Variants in DTNBP1 observed in about 807,000 individuals in gnomAD.
DTNBP1 encodes dystrobrevin binding protein 1.
DTNBP1 carries 35 observed loss-of-function variants against 42.8 expected under a neutral mutation model. The observed-to-expected ratio is 0.82, with a 90% CI of 0.63 to 1.09. The LOEUF (loss-of-function observed/expected upper bound fraction) is 1.09. Among genes scored for constraint, DTNBP1 ranks in the 50% least tolerant of loss-of-function variants. The pLI is 0.00. For synonymous variants in DTNBP1, 171 were observed against 162.2 expected (o/e 1.05, Z -0.41); for missense variants, 457 against 424.2 (o/e 1.08, Z -0.68).
chr6:15,662,001 C>T (rs1384961404), intron 1 of DTNBP1, among the ~76,000 whole-genome samples: 1 of 152,180 alleles, frequency 6.6e-6, no homozygotes, highest in Non-Finnish European at 1.5e-5. Flanking sequence ...GCGCCAGAGT[C>T]TCGGCCTGTG....
intron 6 of DTNBP1, among the ~76,000 whole-genome samples, chr6:15,604,431 C>T (rs1011276363): frequency 6.6e-6 from 1 of 152,066 alleles, no homozygotes; most frequent in African/African-American, 2.4e-5. Flanking sequence ...TCTTTTGGTT[C>T]CAGAAGAACC....
intron 3 of DTNBP1, among the ~76,000 whole-genome samples, chr6:15,638,448 A>G (rs1437111603): frequency 1.3e-5 from 2 of 152,082 alleles, no homozygotes; most frequent in Non-Finnish European, 2.9e-5. Context: ...AAATGATGAG[A>G]AAAAAAATCT....
intron 1 of DTNBP1, 93 bp downstream of exon 1, chr6:15,662,721 G>C: frequency 6.4e-7 from 1 of 1,553,164 alleles, no homozygotes; most frequent in Admixed American, 1.7e-5. Flanking sequence ...GACGGACCCT[G>C]GACCGTGGCG....
In DTNBP1 at chr6:15,662,320, G is replaced by C. The variant is rs557105153; in HGVS notation, c.56+494C>G. Among the ~76,000 whole-genome samples the C allele has an allele frequency of 2.0e-5, 3 of 152,376 alleles. No homozygotes were observed. In the South Asian group the frequency reaches 6.2e-4, roughly 32 times the overall value. ...GCGAGCCGGGCGTGAAAGCCGAGACGCGGCGCGGAAGGCTGTGGCCGGAGG... is the reference window on the plus strand; with the variant it reads ...GCGAGCCGGGCGTGAAAGCCGAGACCCGGCGCGGAAGGCTGTGGCCGGAGG... On this transcript the variant is annotated intron_variant, in intron 1 of 9. Coordinates refer to ENST00000344537, the MANE Select transcript of DTNBP1 (RefSeq NM_032122.5).
intron 7 of DTNBP1, among the ~76,000 whole-genome samples, chr6:15,540,325 T>A (rs1337975997): frequency 6.6e-6 from 1 of 152,226 alleles, no homozygotes; most frequent in African/African-American, 2.4e-5. Flanking sequence ...TAAGTATGCT[T>A]CAACTGCTTC....
chr6:15,627,594 G>A, intron 4 of DTNBP1, 119 bp from the exon 5 acceptor site: 2 of 1,402,430 alleles, frequency 1.4e-6, no homozygotes, highest in Non-Finnish European at 1.9e-6. Flanking sequence ...AGAGATTACG[G>A]TACATTCTAA....
At chr6:15,582,099 C>T (rs184503552) in intron 7 of DTNBP1, among the ~76,000 whole-genome samples, 68 of 152,240 alleles carry the variant, frequency 4.5e-4, no homozygotes, top group Admixed American at 2.9e-3. Flanking sequence ...GATGAAATCT[C>T]AATATGCTAC....
intron 7 of DTNBP1, among the ~76,000 whole-genome samples, chr6:15,555,710 AAAAAACTCAT>A (rs1457217229): frequency 6.6e-6 from 1 of 152,192 alleles, no homozygotes; most frequent in African/African-American, 2.4e-5. Flanking sequence ...CCCCTTTCCC[AAAAAACTCAT>A]AAATAGTCTA....
At chr6:15,657,982 T>C (rs1761379429) in intron 1 of DTNBP1, among the ~76,000 whole-genome samples, 1 of 152,178 alleles carries the variant, frequency 6.6e-6, no homozygotes, top group African/African-American at 2.4e-5. Flanking sequence ...TAATGACTCT[T>C]TCTTCGGACT....
rs192174287 is a variant in DTNBP1 at position 15,560,542 on chromosome 6, T to C, written c.512-27147A>G. 7.3e-4 allele frequency among the ~76,000 whole-genome samples: 111 copies of C among 152,328 alleles called. 1 individual carries two copies. The highest frequency in any genetic ancestry group is 2.2e-3 in the Admixed American group (34 of 15,292). Reference sequence around the variant, plus strand: ...TGTTTTCTTTTGTAACAGGGCCCAGTTGGAGAAACTGGTTATTTTACCAAG... The same window carrying C: ...TGTTTTCTTTTGTAACAGGGCCCAGCTGGAGAAACTGGTTATTTTACCAAG... On this transcript the variant is annotated intron_variant, in intron 7 of 9. Coordinates refer to ENST00000344537, the MANE Select transcript of DTNBP1 (RefSeq NM_032122.5).
chr6:15,663,041 G>A, upstream of DTNBP1: 2 of 846,170 alleles, frequency 2.4e-6, no homozygotes, highest in Non-Finnish European at 3.3e-6. Context: ...CCCCTTCCGC[G>A]TTCCCGCCCC....
chr6:15,591,710 G>A (rs376091413), intron 7 of DTNBP1, among the ~76,000 whole-genome samples: 4 of 151,944 alleles, frequency 2.6e-5, no homozygotes, highest in Non-Finnish European at 2.9e-5. Context: ...AAAAAAGTAC[G>A]CCTCAGCACT....
chr6:15,579,727 C>A, intron 7 of DTNBP1: 1 of 345,450 alleles, frequency 2.9e-6, no homozygotes, highest in East Asian at 8.2e-5. Context: ...ATCACTTGAA[C>A]CTGGGAGGCG....
chr6:15,625,014 A>C (rs1239928469), intron 5 of DTNBP1, among the ~76,000 whole-genome samples: 1 of 152,252 alleles, frequency 6.6e-6, no homozygotes, highest in African/African-American at 2.4e-5. Context: ...CAATGATTCT[A>C]TAAAGCTTAA....
intron 7 of DTNBP1, among the ~76,000 whole-genome samples, chr6:15,542,675 T>G (rs1773643827): frequency 6.6e-6 from 1 of 151,864 alleles, no homozygotes; most frequent in South Asian, 2.1e-4. Flanking sequence ...TGGCCAAATT[T>G]TTTATGCTTC....
In DTNBP1 at chr6:15,524,514, TGTCAACCCTACCTA is replaced by T; in HGVS notation, c.809_811+11del. On this transcript the variant is annotated splice_donor_variant and splice_donor_5th_base_variant and coding_sequence_variant and intron_variant, in exon 9 of 10. Transcript: ENST00000344537. LOFTEE classifies it high-confidence loss of function. ...TGCCCTGGTTCAGCTAATGCAAGTT[TGTCAACCCTACCTA>T]AGGCGGGGGACAGCACAGTGTTCTC... 6.2e-7 allele frequency: 1 copy of T among 1,608,462 alleles called. No individual in the cohort carries two copies. Among genetic ancestry groups the T allele is most frequent in the Non-Finnish European group, 8.5e-7 (1 of 1,175,966 alleles).
At chr6:15,618,479 G>A (rs1758843329) in intron 5 of DTNBP1, among the ~76,000 whole-genome samples, 1 of 151,076 alleles carries the variant, frequency 6.6e-6, no homozygotes, top group Non-Finnish European at 1.5e-5. Flanking sequence ...CCTCCAATAT[G>A]CAATACAGCC....
chr6:15,625,523 C>A (rs1316842497), intron 5 of DTNBP1, among the ~76,000 whole-genome samples: 1 of 152,170 alleles, frequency 6.6e-6, no homozygotes, highest in African/African-American at 2.4e-5. Context: ...AGAATAAGGT[C>A]ATGTGTCACT....
chr6:15,597,009 T>G (rs1200999528), intron 6 of DTNBP1, among the ~76,000 whole-genome samples: 1 of 152,158 alleles, frequency 6.6e-6, no homozygotes, highest in African/African-American at 2.4e-5. Flanking sequence ...CTTATATAAA[T>G]ATCCATTTTC....
Sources: gnomAD v4.1 joint callset for allele counts (sites outside exome capture counted in the v4.1 genomes callset) on GRCh38, gnomAD v4.1.1 for gene constraint, MANE v1.5 for transcripts, NCBI Gene and HGNC (gene_info 2026-07-23, HGNC 2026-07-21) for gene names.